FAM227B: variants seen among roughly 807,000 people sequenced by gnomAD.
FAM227B encodes protein FAM227B.
In FAM227B, 88 loss-of-function variants were observed where a neutral mutation model predicts 73.8. The observed-to-expected ratio is 1.19, with a 90% CI of 1.00 to 1.42. FAM227B has a LOEUF of 1.42. FAM227B is among the 40% of genes most tolerant of loss of function. FAM227B has a pLI of 0.00. For synonymous variants in FAM227B, 210 were observed against 190.5 expected (o/e 1.10, Z -0.84); for missense variants, 632 against 590.9 (o/e 1.07, Z -0.72).
chr15:49,482,768 G>C (rs1435474850), intron 11 of FAM227B, among the ~76,000 whole-genome samples: 3 of 151,988 alleles, frequency 2.0e-5, no homozygotes, highest in Non-Finnish European at 4.4e-5. Context: ...CTGTGGTTAT[G>C]AGTAAATGAG....
chr15:49,396,075 T>C (rs542725538), intron 11 of FAM227B: 3 of 444,292 alleles, frequency 6.8e-6, no homozygotes, highest in Non-Finnish European at 1.4e-5. Flanking sequence ...TGCATTTCCA[T>C]CTGAGGTACC....
chr15:49,376,239 G>T (rs750449440), intron 11 of FAM227B, among the ~76,000 whole-genome samples: 4 of 151,952 alleles, frequency 2.6e-5, no homozygotes, highest in Non-Finnish European at 5.9e-5. Flanking sequence ...TTTTCTCTGA[G>T]ATTTTTATAT....
chr15:49,394,656 G>A (rs2047447098), intron 11 of FAM227B, among the ~76,000 whole-genome samples: 1 of 152,078 alleles, frequency 6.6e-6, no homozygotes, highest in African/African-American at 2.4e-5. Flanking sequence ...CTTTTTCAGT[G>A]AACTGAAAAG....
chr15:49,361,624 C>A (rs192314439), intron 13 of FAM227B, among the ~76,000 whole-genome samples: 1 of 152,106 alleles, frequency 6.6e-6, no homozygotes, highest in Admixed American at 6.5e-5. Context: ...ATATGTACCA[C>A]GTTTTCTTTA....
intron 3 of FAM227B, among the ~76,000 whole-genome samples, chr15:49,603,325 T>C (rs888283891): frequency 2.6e-5 from 4 of 152,104 alleles, no homozygotes; most frequent in Admixed American, 6.5e-5. Flanking sequence ...TCCTTCATGA[T>C]AGTTTTCATT....
At chr15:49,599,473 A>C (rs2077063302) in intron 3 of FAM227B, among the ~76,000 whole-genome samples, 1 of 151,858 alleles carries the variant, frequency 6.6e-6, no homozygotes, top group East Asian at 1.9e-4. Flanking sequence ...CCTTCCTTCT[A>C]CTGACTTTGG....
At chr15:49,489,805 A>ATATATATATATATATTTTT (rs2056756912) in intron 11 of FAM227B, among the ~76,000 whole-genome samples, 1 of 46,826 alleles carries the variant, frequency 2.1e-5, no homozygotes, top group African/African-American at 9.0e-5. Context: ...TATATATTTT[A>ATATATATATATATATTTTT]TATATATATA....
chr15:49,477,452 G>T (rs2055449219), intron 11 of FAM227B, among the ~76,000 whole-genome samples: 1 of 152,140 alleles, frequency 6.6e-6, no homozygotes, highest in African/African-American at 2.4e-5. Flanking sequence ...TTTCAGACTG[G>T]TTTCTTTCAC....
intron 11 of FAM227B, among the ~76,000 whole-genome samples, chr15:49,468,515 T>C (rs2054463756): frequency 6.6e-6 from 1 of 152,182 alleles, no homozygotes; most frequent in South Asian, 2.1e-4. Flanking sequence ...GGTAAAGTGA[T>C]CCAACGACAA....
At position 49,438,479 on chromosome 15, in the gene FAM227B, A is replaced by G. The variant is rs559783457; in HGVS notation, c.1013-67080T>C. 9.9e-5 allele frequency among the ~76,000 whole-genome samples: 15 copies of G among 151,872 alleles called. No individual in the cohort carries two copies. The South Asian group carries it at 2.9e-3, about 29-fold the overall frequency. On this transcript the variant is annotated intron_variant, in intron 11 of 15. Coordinates refer to ENST00000299338, the MANE Select transcript of FAM227B (RefSeq NM_152647.3). ...GTCAATTGCAGAAGAGAAAAGGGAG[A>G]AAAGTAGGCTAGAAAATTCACCAAA...
chr15:49,521,025 T>TA (rs146497148), intron 10 of FAM227B, among the ~76,000 whole-genome samples: 4,341 of 152,202 alleles, frequency 0.029, 221 homozygotes, highest in African/African-American at 0.1. Context: ...TTGGAAGTGA[T>TA]ATGGGAACTT....
At chr15:49,427,233 T>C (rs1426441249) in intron 11 of FAM227B, among the ~76,000 whole-genome samples, 1 of 152,040 alleles carries the variant, frequency 6.6e-6, no homozygotes, top group East Asian at 1.9e-4. Context: ...CAGAATTTGT[T>C]TAAAATAACA....
chr15:49,330,299 T>A (rs574898263), intron 15 of FAM227B: 2 of 152,182 alleles, frequency 1.3e-5, no homozygotes, highest in Non-Finnish European at 2.9e-5. Flanking sequence ...AAGAGTCAAA[T>A]CCAGGCAGCA....
At chr15:49,578,305 C>G (rs2075590933) in intron 5 of FAM227B, among the ~76,000 whole-genome samples, 2 of 152,200 alleles carry the variant, frequency 1.3e-5, no homozygotes, top group Admixed American at 1.3e-4. Context: ...CTTAACAGCA[C>G]TCTTAGGCCC....
At chr15:49,347,063 G>T (rs1468452147) in intron 13 of FAM227B, among the ~76,000 whole-genome samples, 8 of 152,156 alleles carry the variant, frequency 5.3e-5, no homozygotes, top group Non-Finnish European at 2.9e-5. Context: ...AAATGGCCTA[G>T]AATTATATGT....
intron 11 of FAM227B, among the ~76,000 whole-genome samples, chr15:49,371,856 TATAA>T (rs752283659): frequency 2.8e-5 from 4 of 142,708 alleles, no homozygotes; most frequent in East Asian, 2.1e-4. Flanking sequence ...AAAATTCACT[TATAA>T]ATAAATGAAA....
intron 13 of FAM227B, among the ~76,000 whole-genome samples, chr15:49,354,379 G>C (rs1204916927): frequency 6.6e-6 from 1 of 152,200 alleles, no homozygotes; most frequent in Non-Finnish European, 1.5e-5. Context: ...GCGCAGGTCA[G>C]TGGGTGCGCG....
intron 3 of FAM227B, among the ~76,000 whole-genome samples, chr15:49,599,895 G>A (rs996123735): frequency 6.6e-6 from 1 of 152,138 alleles, no homozygotes; most frequent in African/African-American, 2.4e-5. Context: ...CTTTTGGATA[G>A]AATGATCTGT....
chr15:49,420,799 A>G (rs112637900), intron 11 of FAM227B, among the ~76,000 whole-genome samples: 3,749 of 152,256 alleles, frequency 0.025, 122 homozygotes, highest in South Asian at 0.16. Context: ...TCTGCTTCCC[A>G]GGTTCACACC....
Sources: gnomAD v4.1 joint callset for allele counts (sites outside exome capture counted in the v4.1 genomes callset) on GRCh38, gnomAD v4.1.1 for gene constraint, MANE v1.5 for transcripts, NCBI Gene and HGNC (gene_info 2026-07-23, HGNC 2026-07-21) for gene names.